FAM110B: variants seen among roughly 807,000 people sequenced by gnomAD.
FAM110B encodes family with sequence similarity 110 member B.
In FAM110B, 6 loss-of-function variants were observed where a neutral mutation model predicts 20.4. The ratio of observed to expected loss-of-function variants is 0.29; its 90% CI spans 0.16 to 0.58. The LOEUF (loss-of-function observed/expected upper bound fraction) is 0.58, where lower values mean the gene tolerates loss of function less well. Among genes scored for constraint, FAM110B ranks in the 20% least tolerant of loss-of-function variants. The pLI, the probability that FAM110B is intolerant of heterozygous loss-of-function variation, is 0.90. For synonymous variants in FAM110B, 226 were observed against 214.1 expected (o/e 1.06, Z -0.49); for missense variants, 434 against 498.2 (o/e 0.87, Z 1.23).
At chr8:58,071,275 G>T (rs544914382) in intron 2 of FAM110B, among the ~76,000 whole-genome samples, 24 of 152,116 alleles carry the variant, frequency 1.6e-4, no homozygotes, top group Non-Finnish European at 3.4e-4. Flanking sequence ...CTTCTCCATA[G>T]TGTCGTATTT....
chr8:58,074,645 A>G (rs955446380), intron 2 of FAM110B, among the ~76,000 whole-genome samples: 1 of 152,194 alleles, frequency 6.6e-6, no homozygotes, highest in Non-Finnish European at 1.5e-5. Flanking sequence ...GTCCATAGAA[A>G]GTGTTCAGCC....
chr8:58,001,709 AT>A (rs1804300534), intron 1 of FAM110B, among the ~76,000 whole-genome samples: 1 of 152,152 alleles, frequency 6.6e-6, no homozygotes, highest in Admixed American at 6.5e-5. Context: ...GCATACCGGC[AT>A]ATTAGCAAAT....
intron 3 of FAM110B, among the ~76,000 whole-genome samples, chr8:58,139,337 G>A (rs904863085): frequency 3.3e-5 from 5 of 152,184 alleles, no homozygotes; most frequent in African/African-American, 4.8e-5. Context: ...AATTATAGAT[G>A]GTGAGGGATT....
At chr8:58,082,599 A>G (rs563968293) in intron 3 of FAM110B, among the ~76,000 whole-genome samples, 2 of 152,312 alleles carry the variant, frequency 1.3e-5, no homozygotes, top group East Asian at 1.9e-4. Flanking sequence ...CTAATAGACT[A>G]TAAGCAAGTT....
chr8:58,139,440 A>G (rs1411691962), intron 3 of FAM110B, among the ~76,000 whole-genome samples: 1 of 152,218 alleles, frequency 6.6e-6, no homozygotes, highest in African/African-American at 2.4e-5. Context: ...TAATGTTTCC[A>G]GATGGTTGGC....
rs144951212 is a variant in FAM110B, at chr8:58,038,162, A to G, written c.-414+6459A>G. Among the ~76,000 whole-genome samples, 83 of 152,326 alleles carry G rather than the reference A, an allele frequency of 5.4e-4. No homozygotes were observed. In the East Asian group the frequency reaches 0.015, roughly 28 times the overall value. ...CTCTCCCTGAGTGATTGCTGATGACATAGAAATGCATGGTAGCCTCTTTTC... is the reference window on the plus strand; with the variant it reads ...CTCTCCCTGAGTGATTGCTGATGACGTAGAAATGCATGGTAGCCTCTTTTC... On this transcript the variant is annotated intron_variant, in intron 2 of 3. Coordinates refer to ENST00000519262, the MANE Select transcript of FAM110B (RefSeq NM_001377989.1).
chr8:58,025,294 G>C (rs1008038125), intron 1 of FAM110B, among the ~76,000 whole-genome samples: 1 of 152,286 alleles, frequency 6.6e-6, no homozygotes, highest in South Asian at 2.1e-4. Flanking sequence ...GAACTAGGGG[G>C]GCATGGGCCG....
chr8:58,040,767 A>G lies in FAM110B; in HGVS notation c.-414+9064A>G, dbSNP rs6471675. Among the ~76,000 whole-genome samples the G allele has an allele frequency of 2.0e-5, 3 of 147,640 alleles. No individual in the cohort carries two copies. The South Asian group carries it at 6.2e-4, about 31-fold the overall frequency. On this transcript the variant is annotated intron_variant, in intron 2 of 3. Transcript: ENST00000519262. ...ATAGCTATGCAGGATCAGCTTTTTT[A>G]AAAAAAATCAGTTTTTAATGAGACT...
rs564417224 is a variant in FAM110B, at chr8:58,146,022, G to A, written c.-209G>A. ...TGTGGCTTGTGGCCTTTTTGTGCAA[G>A]GGCCGCCTGGAAGGGGAGAAAAGTG... On this transcript the variant is annotated 5_prime_UTR_variant, in exon 4 of 4. Transcript: ENST00000519262. 6.8e-4 allele frequency: 362 copies of A among 532,528 alleles called. 3 individuals carry two copies. The South Asian group carries it at 8.1e-3, about 12-fold the overall frequency. 33.0% of individuals were successfully genotyped at this position (532,528 alleles called of 1,614,324 possible). A position where few individuals can be genotyped will look rare whatever the true frequency, so the allele number is the denominator to read the frequency against.
At chr8:57,999,575 C>A (rs904655867) in intron 1 of FAM110B, among the ~76,000 whole-genome samples, 12 of 151,808 alleles carry the variant, frequency 7.9e-5, no homozygotes, top group African/African-American at 2.9e-4. Context: ...AGTAATTATG[C>A]AAAAGAACAT....
chr8:58,133,229 A>G (rs1280978528), intron 3 of FAM110B, among the ~76,000 whole-genome samples: 3 of 145,482 alleles, frequency 2.1e-5, no homozygotes, highest in Non-Finnish European at 1.5e-5. Context: ...TCTTTTTGAT[A>G]GCAGGCACAA....
chr8:58,021,511 G>A (rs1032088928), intron 1 of FAM110B, among the ~76,000 whole-genome samples: 4 of 152,128 alleles, frequency 2.6e-5, no homozygotes, highest in Admixed American at 1.3e-4. Flanking sequence ...TACTACTTAT[G>A]GTTTAAATGT....
chr8:58,003,076 G>T (rs1804330818), intron 1 of FAM110B, among the ~76,000 whole-genome samples: 1 of 152,180 alleles, frequency 6.6e-6, no homozygotes. Context: ...ACTAAGTTAT[G>T]TAATATTCTA....
intron 2 of FAM110B, among the ~76,000 whole-genome samples, chr8:58,033,763 A>T (rs1805019013): frequency 6.6e-6 from 1 of 152,198 alleles, no homozygotes; most frequent in South Asian, 2.1e-4. Context: ...GTTAAAAAAA[A>T]ATAGTTTTAT....
intron 3 of FAM110B, among the ~76,000 whole-genome samples, chr8:58,110,119 G>C (rs1374234605): frequency 6.6e-6 from 1 of 152,152 alleles, no homozygotes; most frequent in African/African-American, 2.4e-5. Context: ...ACCTAGTGGG[G>C]ATTAAGCATG....
At chr8:58,098,228 A>G (rs925520420) in intron 3 of FAM110B, among the ~76,000 whole-genome samples, 2 of 152,240 alleles carry the variant, frequency 1.3e-5, no homozygotes, top group African/African-American at 4.8e-5. Context: ...CCTTTCTTTC[A>G]GAGATGCCCT....
chr8:58,054,142 C>T (rs1353967840), intron 2 of FAM110B, among the ~76,000 whole-genome samples: 1 of 152,194 alleles, frequency 6.6e-6, no homozygotes, highest in Non-Finnish European at 1.5e-5. Flanking sequence ...ACAGTCTACA[C>T]ATCCAATTAG....
chr8:58,091,792 G>T (rs1806486618), intron 3 of FAM110B, among the ~76,000 whole-genome samples: 1 of 152,082 alleles, frequency 6.6e-6, no homozygotes, highest in Non-Finnish European at 1.5e-5. Context: ...TGGTCTCTGG[G>T]TTACAAGGAA....
At position 58,097,118 on chromosome 8, in the gene FAM110B, A is replaced by C. The variant is rs1468980191; in HGVS notation, c.-325+21495A>C. On this transcript the variant is annotated intron_variant, in intron 3 of 3. Transcript: ENST00000519262. ...TGCTGGGTTGGGGAAGTTTTCCTGC[A>C]TAATACCCCTAAGAGTGTTTTCCAA... Among the ~76,000 whole-genome samples the C allele has an allele frequency of 2.0e-5, 3 of 152,328 alleles. No individual in the cohort carries two copies. In the East Asian group the frequency reaches 5.8e-4, roughly 29 times the overall value.
Sources: allele counts gnomAD v4.1 joint callset (sites outside exome capture counted in the v4.1 genomes callset), GRCh38; gene constraint gnomAD v4.1.1; transcripts MANE v1.5; gene names NCBI Gene and HGNC (gene_info 2026-07-23, HGNC 2026-07-21).